The following PRDM14 variants were observed in gnomAD, a reference collection of about 807,000 sequenced individuals.
The protein encoded by PRDM14 is PR/SET domain 14.
In PRDM14, 16 loss-of-function variants were observed where a neutral mutation model predicts 48.0. The observed-to-expected ratio is 0.33, with a 90% confidence interval of 0.23 to 0.51. PRDM14 has a LOEUF of 0.51. Ranked by LOEUF, PRDM14 falls within the 20% of genes least tolerant of loss-of-function variation. PRDM14 has a pLI of 0.97. For missense variants in PRDM14, 566 were observed against 719.6 expected, an observed-to-expected ratio of 0.79 and a Z score of 2.44; for synonymous variants, 264 against 276.6, an observed-to-expected ratio of 0.95 and a Z score of 0.45.
At chr8:70,052,604 C>T (rs1047639926) in intron 7 of PRDM14, among the ~76,000 whole-genome samples, 4 of 152,088 alleles carry the variant, frequency 2.6e-5, no homozygotes, top group African/African-American at 7.2e-5. Flanking sequence ...GTGGTTCACA[C>T]CTGTAATCCC....
chr8:70,064,968 C>T (rs1408061237), intron 5 of PRDM14, among the ~76,000 whole-genome samples: 3 of 151,002 alleles, frequency 2.0e-5, no homozygotes, highest in African/African-American at 7.3e-5. Flanking sequence ...CATATTGCAA[C>T]CTCTGTCTCC....
chr8:70,062,143 T>C (rs1805591979), intron 5 of PRDM14, among the ~76,000 whole-genome samples: 1 of 152,254 alleles, frequency 6.6e-6, no homozygotes, highest in South Asian at 2.1e-4. Context: ...CCCTCCATTG[T>C]CCAAAATATA....
At chr8:70,066,153 C>A in intron 5 of PRDM14, 82 bp downstream of exon 5, 3 of 1,439,040 alleles carry the variant, frequency 2.1e-6, no homozygotes, top group Non-Finnish European at 2.9e-6. Context: ...GAGGGAGGAG[C>A]TGTGCATGGA....
In PRDM14 at chr8:70,058,651, G is replaced by T; in HGVS notation, c.1375C>A (p.Arg459=). The change falls in exon 6 of 8, where the codon CGG becomes AGG. Residue 459 remains arginine (R), a synonymous_variant. Transcript: ENST00000276594. ...CTCCTAATACTCACCTTGTGAGGCCGGTGCTTCTCATGAACATGAAGAATG... is the reference window on the plus strand; with the variant it reads ...CTCCTAATACTCACCTTGTGAGGCCTGTGCTTCTCATGAACATGAAGAATG... ...IHILHVHEKH[R]PHKCSTCGKC... 6.2e-7 allele frequency: 1 copy of T among 1,613,332 alleles called. No individual in the cohort carries two copies. The highest frequency in any genetic ancestry group is 2.2e-5 in the East Asian group (1 of 44,866).
At chr8:70,063,112 T>C (rs979842680) in intron 5 of PRDM14, among the ~76,000 whole-genome samples, 1 of 152,164 alleles carries the variant, frequency 6.6e-6, no homozygotes, top group African/African-American at 2.4e-5. Flanking sequence ...ACAAACATTG[T>C]AATAATTTGA....
In PRDM14 at chr8:70,068,402, A is replaced by G. The variant is rs779568400; in HGVS notation, c.755-15T>C. The G allele has an allele frequency of 1.9e-6, 3 of 1,614,204 alleles. No homozygotes were observed. Among genetic ancestry groups the G allele is most frequent in the Non-Finnish European group, 1.7e-6 (2 of 1,180,024 alleles). On this transcript the variant is annotated splice_polypyrimidine_tract_variant and intron_variant, in intron 3 of 7. Coordinates refer to ENST00000276594, the MANE Select transcript of PRDM14 (RefSeq NM_024504.4). ...GAGGCATAGACCTAGGGGAAAGCCG[A>G]GGCAGGAAAAGAGAATGAGGAGAGT...
At chr8:70,055,044 A>G (rs1274921838) in intron 7 of PRDM14, among the ~76,000 whole-genome samples, 1 of 152,224 alleles carries the variant, frequency 6.6e-6, no homozygotes, top group African/African-American at 2.4e-5. Context: ...ATACTATGTA[A>G]TAGGTCATCA....
chr8:70,056,367 A>G (rs1021596776), intron 6 of PRDM14, among the ~76,000 whole-genome samples: 1 of 152,210 alleles, frequency 6.6e-6, no homozygotes, highest in Non-Finnish European at 1.5e-5. Flanking sequence ...AAATTACACT[A>G]ACTAAAGAGA....
chr8:70,066,707 A>G (rs921794391), intron 4 of PRDM14, among the ~76,000 whole-genome samples: 4 of 152,136 alleles, frequency 2.6e-5, no homozygotes, highest in Non-Finnish European at 5.9e-5. Context: ...ACACCTCTCT[A>G]GGTAATGTCA....
At chr8:70,070,484 C>A (rs1297958866) in intron 1 of PRDM14, among the ~76,000 whole-genome samples, 1 of 151,970 alleles carries the variant, frequency 6.6e-6, no homozygotes, top group Non-Finnish European at 1.5e-5. Flanking sequence ...GGTCCAGGGA[C>A]CCCGCGACCT....
At chr8:70,070,753 TCC>T (rs746135623) in intron 1 of PRDM14, among the ~76,000 whole-genome samples, 1 of 152,086 alleles carries the variant, frequency 6.6e-6, no homozygotes, top group Non-Finnish European at 1.5e-5. Flanking sequence ...CTGCCAGTCC[TCC>T]CGCCCCCGCA....
chr8:70,066,092 T>A lies in PRDM14; in HGVS notation c.1183+143A>T, dbSNP rs113007364. 16 of 891,506 alleles carry A rather than the reference T, an allele frequency of 1.8e-5. No homozygotes were observed. The African/African-American group carries it at 2.3e-4, about 13-fold the overall frequency. 55.2% of individuals were successfully genotyped at this position (891,506 alleles called of 1,614,324 possible). Reference sequence around the variant, plus strand: ...AGGATGCTTTCCTTCACCTGGGTAATTCCCCCCTGGTTAGAGACACTCTCG... The same window carrying A: ...AGGATGCTTTCCTTCACCTGGGTAAATCCCCCCTGGTTAGAGACACTCTCG... On this transcript the variant is annotated intron_variant, in intron 5 of 7. Transcript: ENST00000276594.
At chr8:70,064,939 T>G (rs918978516) in intron 5 of PRDM14, among the ~76,000 whole-genome samples, 1 of 150,754 alleles carries the variant, frequency 6.6e-6, no homozygotes, top group Non-Finnish European at 1.5e-5. Context: ...CAGGCTGGAG[T>G]GCAGTGGTGC....
intron 7 of PRDM14, among the ~76,000 whole-genome samples, chr8:70,053,442 G>A (rs1563437511): frequency 6.6e-6 from 1 of 152,110 alleles, no homozygotes; most frequent in East Asian, 1.9e-4. Flanking sequence ...CCAGGTTGGA[G>A]TGCAGTGGCA....
chr8:70,063,384 A>G (rs1435337207), intron 5 of PRDM14, among the ~76,000 whole-genome samples: 3 of 152,074 alleles, frequency 2.0e-5, no homozygotes, highest in Admixed American at 2.0e-4. Context: ...CAGTGAGCCT[A>G]GATTACACTA....
At chr8:70,068,669 T>C (rs1805711509) in intron 2 of PRDM14, 137 bp from the exon 3 acceptor site, 2 of 750,196 alleles carry the variant, frequency 2.7e-6, no homozygotes, top group African/African-American at 1.7e-5. Context: ...TATTTTTCCC[T>C]GCTCATTTTA....
chr8:70,055,700 G>A (rs1343733609), intron 6 of PRDM14, among the ~76,000 whole-genome samples: 1 of 151,900 alleles, frequency 6.6e-6, no homozygotes, highest in Non-Finnish European at 1.5e-5. Context: ...GTAGAGATGA[G>A]GTCTCACTAT....
chr8:70,069,939 A>G, intron 1 of PRDM14, 55 bp from the exon 2 acceptor site: 1 of 1,125,996 alleles, frequency 8.9e-7, no homozygotes, highest in Non-Finnish European at 1.2e-6. Context: ...CCGGGGTCCG[A>G]CCCGCGCCTC....
chr8:70,065,207 T>G (rs1805648296), intron 5 of PRDM14, among the ~76,000 whole-genome samples: 1 of 152,094 alleles, frequency 6.6e-6, no homozygotes, highest in Non-Finnish European at 1.5e-5. Flanking sequence ...TTTACCATGT[T>G]GGCCAGGCTA....
Sources: gnomAD v4.1 joint callset for allele counts (sites outside exome capture counted in the v4.1 genomes callset) on GRCh38, gnomAD v4.1.1 for gene constraint, MANE v1.5 for transcripts, NCBI Gene and HGNC (gene_info 2026-07-23, HGNC 2026-07-21) for gene names.